The following NRG3 variants were observed in gnomAD, a reference collection of about 807,000 sequenced individuals.
NRG3 encodes pro-neuregulin-3, membrane-bound isoform.
Under a neutral mutation model 66.9 loss-of-function variants are expected in NRG3, and 31 were observed. The ratio of observed to expected loss-of-function variants is 0.46; its 90% confidence interval spans 0.35 to 0.63. The LOEUF is 0.63. Ranked by LOEUF, NRG3 falls within the 20% of genes least tolerant of loss-of-function variation. NRG3 has a pLI of 0.00. For synonymous variants in NRG3, 393 were observed against 359.4 expected, an observed-to-expected ratio of 1.09 and a Z score of -1.06; for missense variants, 910 against 878.9, an observed-to-expected ratio of 1.04 and a Z score of -0.45.
intron 6 of NRG3, among the ~76,000 whole-genome samples, chr10:82,966,622 C>A (rs752051587): frequency 1.3e-5 from 2 of 152,128 alleles, no homozygotes; most frequent in Non-Finnish European, 2.9e-5. Flanking sequence ...TTATGCATAG[C>A]CCACTCTTAA....
intron 1 of NRG3, among the ~76,000 whole-genome samples, chr10:82,078,134 T>C (rs192157081): frequency 6.6e-6 from 1 of 152,190 alleles, no homozygotes; most frequent in Non-Finnish European, 1.5e-5. Flanking sequence ...AAATTTTTTT[T>C]AATTATTCTA....
chr10:82,633,060 C>A (rs1408800646), intron 2 of NRG3, among the ~76,000 whole-genome samples: 1 of 152,174 alleles, frequency 6.6e-6, no homozygotes, highest in Non-Finnish European at 1.5e-5. Context: ...CACAGGATAG[C>A]TACTGTACCT....
chr10:82,041,824 C>G (rs199759802), intron 1 of NRG3, among the ~76,000 whole-genome samples: 8 of 73,158 alleles, frequency 1.1e-4, no homozygotes, highest in Admixed American at 3.1e-4. Context: ...CTCTCTCTCT[C>G]TCTCTGTCTA....
chr10:82,316,687 A>G, intron 1 of NRG3, among the ~76,000 whole-genome samples: 1 of 152,184 alleles, frequency 6.6e-6, no homozygotes, highest in East Asian at 1.9e-4. Flanking sequence ...AAAACAAAAC[A>G]AAAAGTGTTT....
intron 1 of NRG3, among the ~76,000 whole-genome samples, chr10:82,075,201 A>G (rs1389216167): frequency 1.3e-5 from 2 of 151,804 alleles, no homozygotes; most frequent in Non-Finnish European, 2.9e-5. Flanking sequence ...TTGCTCTTAG[A>G]TTTTCTTATG....
chr10:82,437,554 ATT>A (rs2136397970), intron 2 of NRG3, among the ~76,000 whole-genome samples: 1 of 152,120 alleles, frequency 6.6e-6, no homozygotes, highest in East Asian at 1.9e-4. Flanking sequence ...CATCCATCTG[ATT>A]CTCTGTTCAC....
At chr10:82,721,233 G>A (rs1664242951) in intron 2 of NRG3, among the ~76,000 whole-genome samples, 1 of 125,824 alleles carries the variant, frequency 7.9e-6, no homozygotes, top group Non-Finnish European at 1.6e-5. Flanking sequence ...CCAGGTTCAC[G>A]CCATTCGTCT....
intron 1 of NRG3, among the ~76,000 whole-genome samples, chr10:82,224,792 G>A (rs987867362): frequency 1.3e-5 from 2 of 151,956 alleles, no homozygotes; most frequent in Admixed American, 1.3e-4. Context: ...AAATTCAATA[G>A]CTATTCATCA....
At chr10:82,521,447 TCTC>T (rs762502478) in intron 2 of NRG3, among the ~76,000 whole-genome samples, 47 of 151,876 alleles carry the variant, frequency 3.1e-4, no homozygotes, top group Non-Finnish European at 5.0e-4. Flanking sequence ...TTCACGCCAT[TCTC>T]CTGCCTCAGT....
intron 1 of NRG3, among the ~76,000 whole-genome samples, chr10:81,881,719 A>G (rs754272625): frequency 1.4e-4 from 22 of 152,224 alleles, no homozygotes; most frequent in Non-Finnish European, 1.8e-4. Context: ...AATCACTACA[A>G]CATTCAGCCT....
intron 2 of NRG3, among the ~76,000 whole-genome samples, chr10:82,671,136 G>T (rs2053238627): frequency 6.6e-6 from 1 of 152,114 alleles, no homozygotes; most frequent in East Asian, 1.9e-4. Context: ...ACACCCCAAG[G>T]TCCTCACCAG....
chr10:82,282,128 T>C (rs1231829148), intron 1 of NRG3, among the ~76,000 whole-genome samples: 2 of 152,166 alleles, frequency 1.3e-5, no homozygotes, highest in Non-Finnish European at 2.9e-5. Flanking sequence ...TGAAGGCTGC[T>C]TGCCCAGTCT....
Position 81,875,245 on chromosome 10 carries a change from C to G in NRG3, c.-96C>G. 1.3e-6 allele frequency: 1 copy of G among 780,070 alleles called. No individual in the cohort carries two copies. The highest frequency in any genetic ancestry group is 1.6e-6 in the Non-Finnish European group (1 of 644,892). 48.3% of individuals were successfully genotyped at this position (780,070 alleles called of 1,614,324 possible). A position where few individuals can be genotyped will look rare whatever the true frequency, so the allele number is the denominator to read the frequency against. On this transcript the variant is annotated 5_prime_UTR_variant, in exon 1 of 9. Coordinates refer to ENST00000372141, the MANE Select transcript of NRG3 (RefSeq NM_001010848.4). This position sits in a 1 kb window ranked among gnomAD's most constrained non-coding sequence, Gnocchi z 5.3. Reference sequence around the variant, plus strand: ...CTGCCTGCGCCCGAGCCCGCCGCCGCCGCCGGAGCCCGCGCCCGCGCCCGC... The same window carrying G: ...CTGCCTGCGCCCGAGCCCGCCGCCGGCGCCGGAGCCCGCGCCCGCGCCCGC...
At chr10:82,112,170 A>G (rs1375169633) in intron 1 of NRG3, among the ~76,000 whole-genome samples, 1 of 152,052 alleles carries the variant, frequency 6.6e-6, no homozygotes, top group Non-Finnish European at 1.5e-5. Flanking sequence ...CTTGAGCCCA[A>G]AGTTCGAGGC....
chr10:82,531,341 ACTAT>A (rs1170024004), intron 2 of NRG3, among the ~76,000 whole-genome samples: 1 of 151,796 alleles, frequency 6.6e-6, no homozygotes, highest in African/African-American at 2.4e-5. Flanking sequence ...AACATATATG[ACTAT>A]CTATGAAAGA....
intron 1 of NRG3, among the ~76,000 whole-genome samples, chr10:82,159,619 A>T (rs1334822577): frequency 6.6e-6 from 1 of 151,776 alleles, no homozygotes; most frequent in Non-Finnish European, 1.5e-5. Context: ...TGCTTCTCTT[A>T]TTAAGTAGAG....
chr10:82,411,101 G>A (rs1013919888), intron 2 of NRG3, among the ~76,000 whole-genome samples: 7 of 151,924 alleles, frequency 4.6e-5, no homozygotes, highest in Non-Finnish European at 8.8e-5. Flanking sequence ...TTTTTAGTAC[G>A]GACAGGATTT....
At chr10:82,982,295 A>G (rs976418243) in intron 8 of NRG3, among the ~76,000 whole-genome samples, 1 of 152,190 alleles carries the variant, frequency 6.6e-6, no homozygotes, top group Non-Finnish European at 1.5e-5. Context: ...AAACCAAGTG[A>G]CTAATAGTTG....
At chr10:82,905,724 C>G (rs1412920) in intron 4 of NRG3, among the ~76,000 whole-genome samples, 54,663 of 151,866 alleles carry the variant, frequency 0.36, 10,279 homozygotes, top group East Asian at 0.53. Flanking sequence ...TCCTTTCTCT[C>G]TAGAATTTAA....
Sources: gnomAD v4.1 joint callset for allele counts (sites outside exome capture counted in the v4.1 genomes callset) on GRCh38, gnomAD v4.1.1 for gene constraint, Gnocchi (gnomAD v3.1) non-coding constraint, MANE v1.5 for transcripts, NCBI Gene and HGNC (gene_info 2026-07-23, HGNC 2026-07-21) for gene names.